The following TUBGCP3 variants were observed in gnomAD, a reference collection of about 807,000 sequenced individuals.
TUBGCP3 encodes gamma-tubulin complex component 3.
TUBGCP3 carries 50 observed loss-of-function variants against 123.1 expected under a neutral mutation model. The ratio of observed to expected loss-of-function variants is 0.41; its 90% CI spans 0.32 to 0.51. The LOEUF is 0.51. Among genes scored for constraint, TUBGCP3 ranks in the 20% least tolerant of loss-of-function variants. The probability of loss-of-function intolerance (pLI) is 0.36; values close to 1 mark genes in which losing one functional copy is unlikely to be tolerated. For synonymous variants in TUBGCP3, 405 were observed against 413.9 expected (o/e 0.98, Z 0.26); for missense variants, 882 against 1,127.0 (o/e 0.78, Z 3.11).
At chr13:112,559,989 C>T (rs1880363921) in intron 3 of TUBGCP3, among the ~76,000 whole-genome samples, 1 of 152,094 alleles carries the variant, frequency 6.6e-6, no homozygotes, top group Non-Finnish European at 1.5e-5. Flanking sequence ...ACAAAATTAG[C>T]CAGGCGTGGT....
At position 112,508,863 on chromosome 13, in the gene TUBGCP3, G is replaced by A. The variant is rs544620596; in HGVS notation, c.2087-4149C>T. Among the ~76,000 whole-genome samples, 11 of 151,958 alleles carry A rather than the reference G, an allele frequency of 7.2e-5. No homozygotes were observed. The highest frequency in any genetic ancestry group is 1.6e-4 in the Non-Finnish European group (11 of 68,006). The stretch of plus-strand genomic sequence containing the variant: ...ACACGCATCACCTGGTCCTGCTGGC[G>A]CCACAGCCCAAGCCTCCCTCAAATC... On this transcript the variant is annotated intron_variant, in intron 17 of 21. Transcript: ENST00000261965. This position sits in a 1 kb window ranked among gnomAD's most constrained non-coding sequence, Gnocchi z 4.2.
At chr13:112,502,224 C>T (rs976811076) in intron 19 of TUBGCP3, among the ~76,000 whole-genome samples, 1 of 152,196 alleles carries the variant, frequency 6.6e-6, no homozygotes, top group Non-Finnish European at 1.5e-5. Flanking sequence ...CCTTTTAAAA[C>T]AGAACACTGG....
upstream of TUBGCP3, among the ~76,000 whole-genome samples, chr13:112,588,754 G>A (rs1218926395): frequency 1.3e-5 from 2 of 152,174 alleles, no homozygotes; most frequent in African/African-American, 4.8e-5. Context: ...TTACACATGG[G>A]TGCACGCTTG....
At position 112,508,836 on chromosome 13, in the gene TUBGCP3, G is replaced by A. The variant is rs867771384; in HGVS notation, c.2087-4122C>T. ...AGACTCCAACCACCTCCTGGCCTCC[G>A]TACACGCATCACCTGGTCCTGCTGG... On this transcript the variant is annotated intron_variant, in intron 17 of 21. Coordinates refer to ENST00000261965, the MANE Select transcript of TUBGCP3 (RefSeq NM_006322.6). The surrounding 1 kb of genome is among the most constrained non-coding windows in gnomAD (Gnocchi z 4.2). Among the ~76,000 whole-genome samples the A allele has an allele frequency of 6.6e-5, 10 of 152,066 alleles. No homozygotes were observed. The East Asian group carries it at 1.2e-3, about 18-fold the overall frequency.
chr13:112,559,476 T>C (rs1880320598), intron 3 of TUBGCP3, 77 bp from the exon 4 acceptor site: 3 of 1,184,584 alleles, frequency 2.5e-6, no homozygotes, highest in East Asian at 2.7e-5. Context: ...TCCTGAACTA[T>C]ATTTCCAAAC....
intron 1 of TUBGCP3, among the ~76,000 whole-genome samples, chr13:112,578,971 T>A (rs530962487): frequency 6.6e-6 from 1 of 152,296 alleles, no homozygotes; most frequent in South Asian, 2.1e-4. Context: ...AGTTCCTACA[T>A]GACACCAAAA....
At chr13:112,554,239 T>C (rs958648327) in intron 7 of TUBGCP3, 57 bp from the exon 8 acceptor site, 1 of 1,585,098 alleles carries the variant, frequency 6.3e-7, no homozygotes. Context: ...GAGCTTTAAT[T>C]AGTATTTTTC....
chr13:112,491,975 T>A (rs554982566), intron 20 of TUBGCP3, among the ~76,000 whole-genome samples: 5 of 152,244 alleles, frequency 3.3e-5, no homozygotes, highest in Non-Finnish European at 7.3e-5. Flanking sequence ...TCTGTCTTCA[T>A]ATTTATACCA....
chr13:112,580,182 G>A (rs1882182324), intron 1 of TUBGCP3, among the ~76,000 whole-genome samples: 1 of 152,198 alleles, frequency 6.6e-6, no homozygotes, highest in Admixed American at 6.5e-5. Flanking sequence ...TGGTAGCACA[G>A]AGGAAATCAC....
At chr13:112,558,882 G>A (rs1880271472) in intron 4 of TUBGCP3, among the ~76,000 whole-genome samples, 1 of 152,160 alleles carries the variant, frequency 6.6e-6, no homozygotes, top group South Asian at 2.1e-4. Flanking sequence ...GGGGCACAGA[G>A]CACTGGAATC....
intron 11 of TUBGCP3, among the ~76,000 whole-genome samples, chr13:112,538,294 C>T (rs74891430): frequency 4.5e-4 from 69 of 152,318 alleles, no homozygotes; most frequent in African/African-American, 1.6e-3. Flanking sequence ...AAGTATAATG[C>T]AAGCATTCCA....
At chr13:112,541,924 A>G (rs1480808976) in intron 11 of TUBGCP3, among the ~76,000 whole-genome samples, 1 of 152,184 alleles carries the variant, frequency 6.6e-6, no homozygotes, top group East Asian at 1.9e-4. Context: ...AAAAAGGTAA[A>G]CTTTCTCCTT....
In TUBGCP3 at chr13:112,545,589, T is replaced by C. The variant is rs1878919572; in HGVS notation, c.1335+110A>G. The C allele has an allele frequency of 7.8e-7, 1 of 1,281,404 alleles. No homozygotes were observed. The highest frequency in any genetic ancestry group is 1.1e-6 in the Non-Finnish European group (1 of 901,192). The allele number at this position is 1,281,404 out of a possible 1,614,324, so 79.4% of individuals were successfully genotyped here. ...TATATGGTATTCAATGGAAGTGCAGTTGCATTCCTGTTAGGAGAACATGGT... is the reference window on the plus strand; with the variant it reads ...TATATGGTATTCAATGGAAGTGCAGCTGCATTCCTGTTAGGAGAACATGGT... On this transcript the variant is annotated intron_variant, in intron 11 of 21. Transcript: ENST00000261965. The surrounding 1 kb of genome is among the most constrained non-coding windows in gnomAD (Gnocchi z 4.1).
intron 13 of TUBGCP3, among the ~76,000 whole-genome samples, 162 bp downstream of exon 13, chr13:112,526,780 C>A (rs1375104435): frequency 6.6e-6 from 1 of 152,080 alleles, no homozygotes; most frequent in African/African-American, 2.4e-5. Flanking sequence ...TCATCACCAC[C>A]CATCCCCAAC....
At chr13:112,488,733 CCA>C (rs1424906076) in intron 21 of TUBGCP3, among the ~76,000 whole-genome samples, 1 of 143,274 alleles carries the variant, frequency 7.0e-6, no homozygotes, top group African/African-American at 2.6e-5. Context: ...GGAGCCACCC[CCA>C]GGTCTCCACA....
At chr13:112,555,516 C>T (rs1283853402) in intron 6 of TUBGCP3, among the ~76,000 whole-genome samples, 1 of 152,176 alleles carries the variant, frequency 6.6e-6, no homozygotes, top group Admixed American at 6.5e-5. Flanking sequence ...AATAAAGAAA[C>T]TCAAGCTTCC....
At chr13:112,486,877 A>G (rs2139173169) in intron 21 of TUBGCP3, among the ~76,000 whole-genome samples, 1 of 152,334 alleles carries the variant, frequency 6.6e-6, no homozygotes. Flanking sequence ...ATCTGCAGAG[A>G]AAACTCACTG....
Position 112,570,648 on chromosome 13 carries a change from T to C in TUBGCP3, c.77-1389A>G, listed in dbSNP as rs572048988. Reference sequence around the variant, plus strand: ...GACTACTGACTGACCAGGGCGGTGGTTGCTGAAGGCTGTGGCAATTTCTTA... The same window carrying C: ...GACTACTGACTGACCAGGGCGGTGGCTGCTGAAGGCTGTGGCAATTTCTTA... On this transcript the variant is annotated intron_variant, in intron 1 of 21. Transcript: ENST00000261965. 1.1e-4 allele frequency among the ~76,000 whole-genome samples: 17 copies of C among 152,326 alleles called. No homozygotes were observed. In the East Asian group the frequency reaches 3.3e-3, roughly 29 times the overall value.
intron 20 of TUBGCP3, among the ~76,000 whole-genome samples, chr13:112,490,457 G>A (rs1880006612): frequency 6.6e-6 from 1 of 152,170 alleles, no homozygotes; most frequent in South Asian, 2.1e-4. Flanking sequence ...GTTTCACCAT[G>A]TTGGCCAGGC....
Sources: allele counts gnomAD v4.1 joint callset (sites outside exome capture counted in the v4.1 genomes callset), GRCh38; gene constraint gnomAD v4.1.1; non-coding constraint Gnocchi (gnomAD v3.1); transcripts MANE v1.5; gene names NCBI Gene and HGNC (gene_info 2026-07-23, HGNC 2026-07-21).